The following OPCML variants were observed in gnomAD, a reference collection of about 807,000 sequenced individuals.
OPCML encodes the protein opioid-binding protein/cell adhesion molecule.
OPCML carries 13 observed loss-of-function variants against 37.8 expected under a neutral mutation model. The observed-to-expected ratio is 0.34, with a 90% CI of 0.22 to 0.55. OPCML has a LOEUF of 0.55. OPCML is among the 20% of genes least tolerant of loss of function. The probability of loss-of-function intolerance (pLI) is 0.91; values close to 1 mark genes in which losing one functional copy is unlikely to be tolerated. For missense variants in OPCML, 341 were observed against 435.6 expected (o/e 0.78, Z 1.93); for synonymous variants, 176 against 168.8 (o/e 1.04, Z -0.33).
chr11:132,599,658 G>A (rs943419386), intron 3 of OPCML, among the ~76,000 whole-genome samples: 2 of 152,106 alleles, frequency 1.3e-5, no homozygotes, highest in Non-Finnish European at 2.9e-5. Flanking sequence ...CCTACACCTA[G>A]TTGTATATAC....
intron 2 of OPCML, among the ~76,000 whole-genome samples, chr11:132,895,380 C>T (rs1409144464): frequency 1.3e-5 from 2 of 152,212 alleles, no homozygotes; most frequent in African/African-American, 2.4e-5. Context: ...CCTGCCCCAG[C>T]TCTACATAAA....
At chr11:132,972,932 G>C (rs1010804333) in intron 1 of OPCML, among the ~76,000 whole-genome samples, 13 of 152,122 alleles carry the variant, frequency 8.5e-5, no homozygotes, top group Non-Finnish European at 1.6e-4. Flanking sequence ...GGTCTGTCTG[G>C]CACCTGGAAC....
Position 132,536,781 on chromosome 11 carries a change from C to G in OPCML, c.380-7595G>C, listed in dbSNP as rs533206335. ...TATCTAGGCTAGGTTATGTGATATTCTGTATACTCAAATAGTATAATATTT... is the reference window on the plus strand; with the variant it reads ...TATCTAGGCTAGGTTATGTGATATTGTGTATACTCAAATAGTATAATATTT... On this transcript the variant is annotated intron_variant, in intron 3 of 7. Transcript: ENST00000524381. 3.9e-5 allele frequency among the ~76,000 whole-genome samples: 6 copies of G among 152,234 alleles called. No individual in the cohort carries two copies. In the South Asian group the frequency reaches 1.2e-3, roughly 32 times the overall value.
chr11:132,860,379 T>C (rs1214755037), intron 2 of OPCML: 1 of 152,206 alleles, frequency 6.6e-6, no homozygotes, highest in African/African-American at 2.4e-5. Context: ...CCTTATTCAG[T>C]AACTGATTTT....
intron 1 of OPCML, among the ~76,000 whole-genome samples, chr11:133,431,880 A>G (rs1175757466): frequency 6.6e-6 from 1 of 151,082 alleles, no homozygotes; most frequent in Non-Finnish European, 1.5e-5. Context: ...ACTTTTTTCA[A>G]AAGTATATAT....
intron 2 of OPCML, among the ~76,000 whole-genome samples, chr11:132,707,738 T>C (rs1254771592): frequency 6.6e-6 from 1 of 152,224 alleles, no homozygotes; most frequent in Non-Finnish European, 1.5e-5. Context: ...ATCTTTCAAC[T>C]TGGATATGTA....
intron 1 of OPCML, among the ~76,000 whole-genome samples, chr11:133,238,075 A>G (rs977311498): frequency 6.6e-6 from 1 of 152,252 alleles, no homozygotes; most frequent in Non-Finnish European, 1.5e-5. Context: ...GGATTAAATC[A>G]TATGTCCAGT....
At position 133,021,580 on chromosome 11, in the gene OPCML, C is replaced by T. The variant is rs181813285; in HGVS notation, c.62-78570G>A. On this transcript the variant is annotated intron_variant, in intron 1 of 7. Transcript: ENST00000524381. Reference sequence around the variant, plus strand: ...GAGTACACGGCTTCCTCCTGTGCTACGGGCAGGAGGGAGACACTTGCTCAC... The same window carrying T: ...GAGTACACGGCTTCCTCCTGTGCTATGGGCAGGAGGGAGACACTTGCTCAC... Among the ~76,000 whole-genome samples, 21 of 56,702 alleles carry T rather than the reference C, an allele frequency of 3.7e-4. No homozygotes were observed. In the South Asian group the frequency reaches 5.6e-3, roughly 15 times the overall value. The allele number at this position is 56,702 out of a possible 152,430, so 37.2% of individuals were successfully genotyped here. A position where few individuals can be genotyped will look rare whatever the true frequency, so the allele number is the denominator to read the frequency against.
chr11:133,105,080 G>C (rs544760477), intron 1 of OPCML, among the ~76,000 whole-genome samples: 9 of 152,188 alleles, frequency 5.9e-5, no homozygotes, highest in Non-Finnish European at 1.3e-4. Context: ...ATGGTTTAGA[G>C]AATTGCCTGG....
intron 3 of OPCML, among the ~76,000 whole-genome samples, chr11:132,530,390 A>G (rs1370540422): frequency 6.6e-6 from 1 of 151,764 alleles, no homozygotes; most frequent in Non-Finnish European, 1.5e-5. Flanking sequence ...TTTCTCACCA[A>G]TTTTCACGGA....
At chr11:133,253,825 CT>C (rs1941225977) in intron 1 of OPCML, among the ~76,000 whole-genome samples, 1 of 68,462 alleles carries the variant, frequency 1.5e-5, no homozygotes, top group Admixed American at 2.3e-4. Context: ...CTTCCCTTCC[CT>C]TCCATTCCCT....
chr11:133,220,054 A>G (rs1939751559), intron 1 of OPCML, among the ~76,000 whole-genome samples: 1 of 152,162 alleles, frequency 6.6e-6, no homozygotes, highest in Admixed American at 6.5e-5. Context: ...ACCAAATATT[A>G]TAATATCATT....
At chr11:133,508,812 G>A (rs779856256) in intron 1 of OPCML, among the ~76,000 whole-genome samples, 70 of 152,162 alleles carry the variant, frequency 4.6e-4, no homozygotes, top group Non-Finnish European at 8.2e-4. Flanking sequence ...CGCTGAAAAC[G>A]ACTCGAGTCA....
chr11:133,004,301 G>GTAATT (rs1947065761), intron 1 of OPCML: 1 of 985,364 alleles, frequency 1.0e-6, no homozygotes, highest in Non-Finnish European at 1.2e-6. Context: ...TGCTGTAGCT[G>GTAATT]TAATTTAATT....
intron 1 of OPCML, chr11:133,439,313 C>G: frequency 2.0e-6 from 2 of 983,288 alleles, no homozygotes; most frequent in Non-Finnish European, 2.4e-6. Flanking sequence ...TTTTTTAAAG[C>G]CAACCTCAAG....
chr11:133,196,899 C>T (rs148833586), intron 1 of OPCML, among the ~76,000 whole-genome samples: 1 of 152,302 alleles, frequency 6.6e-6, no homozygotes, highest in African/African-American at 2.4e-5. Context: ...TTACTGGAAG[C>T]AGGCGCAATT....
chr11:132,974,701 T>C (rs1179669724), intron 1 of OPCML, among the ~76,000 whole-genome samples: 1 of 152,178 alleles, frequency 6.6e-6, no homozygotes, highest in Non-Finnish European at 1.5e-5. Context: ...CATGCACATG[T>C]ATGTTTATTG....
At chr11:133,080,162 C>G (rs926450823) in intron 1 of OPCML, among the ~76,000 whole-genome samples, 1 of 152,138 alleles carries the variant, frequency 6.6e-6, no homozygotes, top group African/African-American at 2.4e-5. Context: ...AGCAACCCAG[C>G]CAGATGCAGA....
At chr11:132,710,056 A>G (rs545745312) in intron 2 of OPCML, among the ~76,000 whole-genome samples, 1 of 152,322 alleles carries the variant, frequency 6.6e-6, no homozygotes, top group African/African-American at 2.4e-5. Context: ...TTTATAATCT[A>G]AGTACACAAG....
Sources: allele counts gnomAD v4.1 joint callset (sites outside exome capture counted in the v4.1 genomes callset), GRCh38; gene constraint gnomAD v4.1.1; transcripts MANE v1.5; gene names NCBI Gene and HGNC (gene_info 2026-07-23, HGNC 2026-07-21).